The following ATXN1 variants were observed in gnomAD, a reference collection of about 807,000 sequenced individuals.
ATXN1 encodes ataxin-1.
A neutral mutation model predicts 56.4 loss-of-function variants in ATXN1; 8 were observed. That is an observed-to-expected ratio of 0.14 (90% CI 0.08 to 0.26). The LOEUF (loss-of-function observed/expected upper bound fraction) is 0.26. Ranked by LOEUF, ATXN1 falls within the 10% of genes least tolerant of loss-of-function variation. The probability of loss-of-function intolerance (pLI) is 1.00; values close to 1 mark genes in which losing one functional copy is unlikely to be tolerated. For missense variants in ATXN1, 987 were observed against 1,106.5 expected (o/e 0.89, Z 1.53); for synonymous variants, 514 against 494.6 (o/e 1.04, Z -0.52).
chr6:16,476,025 A>G (rs1223241272), intron 6 of ATXN1, among the ~76,000 whole-genome samples: 3 of 151,976 alleles, frequency 2.0e-5, no homozygotes, highest in Non-Finnish European at 4.4e-5. Context: ...ATGCACCACC[A>G]TGCCCAGCTA....
At chr6:16,728,441 A>G (rs1400404307) in intron 2 of ATXN1, among the ~76,000 whole-genome samples, 1 of 152,140 alleles carries the variant, frequency 6.6e-6, no homozygotes, top group African/African-American at 2.4e-5. Flanking sequence ...AACAAACAGG[A>G]TATGTATGGG....
At chr6:16,700,507 G>A (rs1209693736) in intron 2 of ATXN1, among the ~76,000 whole-genome samples, 1 of 152,116 alleles carries the variant, frequency 6.6e-6, no homozygotes, top group Admixed American at 6.5e-5. Flanking sequence ...CAGGAGATCA[G>A]ATTGTCTGGG....
intron 4 of ATXN1, among the ~76,000 whole-genome samples, chr6:16,536,856 TG>T (rs1761609555): frequency 6.6e-6 from 1 of 152,244 alleles, no homozygotes; most frequent in South Asian, 2.1e-4. Context: ...ATCATTTTTG[TG>T]GCTTGGATGG....
Position 16,453,877 on chromosome 6 carries a change from A to G in ATXN1, c.-161+32095T>C, listed in dbSNP as rs535640088. On this transcript the variant is annotated intron_variant, in intron 6 of 7. Transcript: ENST00000436367. ...AAATCGAAGCTGGGCGAGATGGCTC[A>G]CACTTGTAATCCCAGCACTTTGGGA... Among the ~76,000 whole-genome samples the G allele has an allele frequency of 2.0e-5, 3 of 152,250 alleles. No individual in the cohort carries two copies. The East Asian group carries it at 5.8e-4, about 29-fold the overall frequency.
intron 2 of ATXN1, among the ~76,000 whole-genome samples, chr6:16,709,725 C>T (rs1759484503): frequency 6.6e-6 from 1 of 151,986 alleles, no homozygotes; most frequent in African/African-American, 2.4e-5. Flanking sequence ...ATCAGTATTA[C>T]TAACACTAAC....
At chr6:16,657,710 A>G (rs1053824818) in intron 3 of ATXN1, 66 bp downstream of exon 3, 1 of 152,234 alleles carries the variant, frequency 6.6e-6, no homozygotes, top group African/African-American at 2.4e-5. Context: ...AAGTTCTGGT[A>G]CACCAGTGAA....
chr6:16,758,081 C>G (rs1297439383), intron 1 of ATXN1, among the ~76,000 whole-genome samples: 1 of 152,136 alleles, frequency 6.6e-6, no homozygotes, highest in East Asian at 1.9e-4. Context: ...CAAATCACAG[C>G]CAATAGATCC....
At chr6:16,387,936 C>T (rs1011240710) in intron 6 of ATXN1, among the ~76,000 whole-genome samples, 11 of 152,298 alleles carry the variant, frequency 7.2e-5, no homozygotes, top group African/African-American at 2.4e-4. Context: ...CTTTTTAAAA[C>T]TCCCAATTGC....
intron 5 of ATXN1, among the ~76,000 whole-genome samples, chr6:16,486,577 G>C (rs752747471): frequency 1.3e-5 from 2 of 152,144 alleles, no homozygotes; most frequent in Non-Finnish European, 2.9e-5. Context: ...TCTGGAGCCA[G>C]AATACAAAAG....
intron 6 of ATXN1, among the ~76,000 whole-genome samples, chr6:16,466,011 T>G (rs1290836046): frequency 6.6e-6 from 1 of 152,080 alleles, no homozygotes; most frequent in Non-Finnish European, 1.5e-5. Context: ...GGAAGAGGAA[T>G]AACTTCTTAA....
At chr6:16,654,380 C>A (rs1758145436) in intron 3 of ATXN1, among the ~76,000 whole-genome samples, 1 of 151,922 alleles carries the variant, frequency 6.6e-6, no homozygotes, top group Non-Finnish European at 1.5e-5. Flanking sequence ...CCCATTTCTA[C>A]TAAAAATAGA....
intron 4 of ATXN1, among the ~76,000 whole-genome samples, chr6:16,540,277 T>TCTAGG (rs1761687184): frequency 6.6e-6 from 1 of 152,136 alleles, no homozygotes; most frequent in African/African-American, 2.4e-5. Context: ...AGTAGCATGA[T>TCTAGG]CTCGGCTCAA....
intron 2 of ATXN1, among the ~76,000 whole-genome samples, chr6:16,669,424 G>A (rs761750249): frequency 6.6e-5 from 10 of 152,152 alleles, no homozygotes; most frequent in African/African-American, 1.7e-4. Flanking sequence ...AGGGCGTGGC[G>A]TACACTGACT....
intron 4 of ATXN1, among the ~76,000 whole-genome samples, chr6:16,536,372 G>A (rs901846507): frequency 2.0e-5 from 3 of 152,150 alleles, no homozygotes; most frequent in African/African-American, 7.2e-5. Flanking sequence ...ATGGACAGAT[G>A]GCTTGATACC....
chr6:16,481,381 A>AGT lies in ATXN1; in HGVS notation c.-161+4589_-161+4590dup, dbSNP rs531416183. Among the ~76,000 whole-genome samples the AGT allele has an allele frequency of 1.8e-3, 269 of 152,074 alleles. 1 individual carries two copies. Among genetic ancestry groups the AGT allele is most frequent in the African/African-American group, 5.4e-3 (222 of 41,476 alleles). On this transcript the variant is annotated intron_variant, in intron 6 of 7. Transcript: ENST00000436367. ...GAAATTCCCAGATTGCTCTTATTAG[A>AGT]GTGTGCGTGTGTGTGCAATTCTCTT...
At chr6:16,558,072 T>C (rs960889346) in intron 4 of ATXN1, among the ~76,000 whole-genome samples, 5 of 152,056 alleles carry the variant, frequency 3.3e-5, no homozygotes, top group African/African-American at 9.6e-5. Context: ...TTTGGAGTAA[T>C]GAAAATGTAA....
chr6:16,707,942 A>T (rs1213029211), intron 2 of ATXN1, among the ~76,000 whole-genome samples: 1 of 152,250 alleles, frequency 6.6e-6, no homozygotes, highest in African/African-American at 2.4e-5. Flanking sequence ...AGTAGAAAAC[A>T]TTAAATGAAG....
intron 6 of ATXN1, among the ~76,000 whole-genome samples, chr6:16,406,431 T>C (rs1303895198): frequency 1.3e-5 from 2 of 152,230 alleles, no homozygotes; most frequent in African/African-American, 4.8e-5. Flanking sequence ...CGGGCATTCA[T>C]AACTTTTGAG....
chr6:16,695,546 G>A (rs1218577412), intron 2 of ATXN1, among the ~76,000 whole-genome samples: 1 of 152,180 alleles, frequency 6.6e-6, no homozygotes, highest in Non-Finnish European at 1.5e-5. Context: ...CAATTCTAGA[G>A]CCCTGGGCCC....
Sources: gnomAD v4.1 joint callset for allele counts (sites outside exome capture counted in the v4.1 genomes callset) on GRCh38, gnomAD v4.1.1 for gene constraint, MANE v1.5 for transcripts, NCBI Gene and HGNC (gene_info 2026-07-23, HGNC 2026-07-21) for gene names.